Variants in NLGN4X observed in about 807,000 individuals in gnomAD.
NLGN4X encodes neuroligin 4 X-linked, also known as neuroligin-4, X-linked.
A neutral mutation model predicts 40.3 loss-of-function variants in NLGN4X; 3 were observed. That is an observed-to-expected ratio of 0.07 (90% CI 0.03 to 0.19). The LOEUF (loss-of-function observed/expected upper bound fraction) is 0.19. Among genes scored for constraint, NLGN4X ranks in the 10% least tolerant of loss-of-function variants. The pLI, the probability that NLGN4X is intolerant of heterozygous loss-of-function variation, is 1.00. For missense variants in NLGN4X, 382 were observed against 708.3 expected, an observed-to-expected ratio of 0.54 and a Z score of 5.23; for synonymous variants, 270 against 306.8, an observed-to-expected ratio of 0.88 and a Z score of 1.25.
At chrX:6,004,750 AC>A (rs1388018913) in intron 3 of NLGN4X, among the ~76,000 whole-genome samples, 1 of 111,928 alleles carries the variant, frequency 8.9e-6, no homozygotes, top group African/African-American at 3.2e-5. Flanking sequence ...TGTACTCCCA[AC>A]CCTGTTTCCC....
chrX:6,062,428 C>T (rs1267183751), intron 2 of NLGN4X, among the ~76,000 whole-genome samples: 1 of 111,818 alleles, frequency 8.9e-6, no homozygotes, highest in African/African-American at 3.2e-5. Flanking sequence ...TAAAACACAC[C>T]TTGACACATG....
intron 1 of NLGN4X, among the ~76,000 whole-genome samples, chrX:6,209,149 T>C (rs1478656875): frequency 8.9e-6 from 1 of 111,924 alleles, no homozygotes; most frequent in East Asian, 2.8e-4. Context: ...AAAAACCACA[T>C]GTCCTCACTC....
chrX:6,056,711 T>C lies in NLGN4X; in HGVS notation c.473-27279A>G, dbSNP rs148507419. Among the ~76,000 whole-genome samples the C allele has an allele frequency of 2.4e-3, 265 of 111,977 alleles. 1 individual carries two copies. The highest frequency in any genetic ancestry group is 7.7e-3 in the African/African-American group (237 of 30,866). On this transcript the variant is annotated intron_variant, in intron 2 of 5. Transcript: ENST00000381095. ...ACTGCATTAGCGTCTTTTAGTCAGA[T>C]AGTGTGAGTTGACAGGCTGAATAAA...
intron 3 of NLGN4X, among the ~76,000 whole-genome samples, chrX:5,953,679 G>A (rs1399179194): frequency 8.9e-6 from 1 of 112,061 alleles, no homozygotes; most frequent in African/African-American, 3.2e-5. Flanking sequence ...TCAAAATCAA[G>A]AGCCTTCTCT....
At chrX:6,206,428 G>GA (rs748347008) in intron 1 of NLGN4X, among the ~76,000 whole-genome samples, 10 of 111,115 alleles carry the variant, frequency 9.0e-5, no homozygotes, top group East Asian at 8.5e-4. Context: ...ATTTTTAAAT[G>GA]AAAAAAAATG....
At chrX:6,125,543 T>C (rs1007730884) in intron 2 of NLGN4X, among the ~76,000 whole-genome samples, 1 of 109,828 alleles carries the variant, frequency 9.1e-6, no homozygotes. Flanking sequence ...TTATAAAAAA[T>C]ACAAAATACT....
intron 4 of NLGN4X, among the ~76,000 whole-genome samples, chrX:5,908,793 G>A (rs777804066): frequency 2.7e-5 from 3 of 111,938 alleles, no homozygotes; most frequent in African/African-American, 9.7e-5. Context: ...TCAGGAGACT[G>A]AGATGGGAGA....
intron 3 of NLGN4X, among the ~76,000 whole-genome samples, chrX:5,992,870 C>T (rs1034515348): frequency 9.0e-6 from 1 of 111,484 alleles, no homozygotes; most frequent in Non-Finnish European, 1.9e-5. Context: ...GAAGACTGCA[C>T]CAAGTCATTC....
At chrX:6,014,010 G>A (rs1440785362) in intron 3 of NLGN4X, among the ~76,000 whole-genome samples, 3 of 109,658 alleles carry the variant, frequency 2.7e-5, no homozygotes, top group African/African-American at 6.6e-5. Context: ...GTGAAAACCC[G>A]TCTCTAGTAA....
At chrX:6,131,623 G>T (rs1485319709) in intron 2 of NLGN4X, among the ~76,000 whole-genome samples, 3 of 112,172 alleles carry the variant, frequency 2.7e-5, no homozygotes, top group Non-Finnish European at 5.6e-5. Context: ...TCCTTCATGG[G>T]ACTCCAGCTG....
intron 3 of NLGN4X, among the ~76,000 whole-genome samples, chrX:5,960,762 T>C (rs913298674): frequency 9.0e-6 from 1 of 111,606 alleles, no homozygotes. Context: ...GATAGTCATG[T>C]ATTTTTTCAT....
intron 1 of NLGN4X, among the ~76,000 whole-genome samples, chrX:6,157,769 T>C (rs140218180): frequency 0.012 from 1,300 of 111,290 alleles, 9 homozygotes; most frequent in Non-Finnish European, 0.018. Flanking sequence ...TCTCATCAGC[T>C]CCAAAGGCCC....
chrX:6,024,913 A>G (rs2036650534), intron 3 of NLGN4X, among the ~76,000 whole-genome samples: 1 of 111,987 alleles, frequency 8.9e-6, no homozygotes, highest in African/African-American at 3.2e-5. Context: ...CTTATGGAGC[A>G]GTCATTCTTT....
chrX:6,146,121 GA>G (rs779983813), intron 2 of NLGN4X, among the ~76,000 whole-genome samples: 750 of 71,091 alleles, frequency 0.011, 2 homozygotes, highest in African/African-American at 0.025. Context: ...TTTCTAAAAG[GA>G]AAAAAAAAAA....
rs190467625 is a variant in NLGN4X, at chrX:6,184,573, T to G, written c.-305-32802A>C. The stretch of plus-strand genomic sequence containing the variant: ...GTGGGGAATCTCTTAGACTCAACAC[T>G]CAATTGCTTCCAAGTTGCTATCTTC... On this transcript the variant is annotated intron_variant, in intron 1 of 5. Transcript: ENST00000381095. 1.5e-4 allele frequency among the ~76,000 whole-genome samples: 16 copies of G among 110,024 alleles called. No homozygotes were observed. The East Asian group carries it at 4.6e-3, about 31-fold the overall frequency.
intron 2 of NLGN4X, among the ~76,000 whole-genome samples, chrX:6,098,408 G>A (rs996462350): frequency 8.9e-6 from 1 of 111,992 alleles, no homozygotes; most frequent in Non-Finnish European, 1.9e-5. Context: ...CCCTGCAAAT[G>A]TCTTCTGAGT....
intron 3 of NLGN4X, among the ~76,000 whole-genome samples, chrX:6,017,459 C>T (rs1291387315): frequency 9.0e-6 from 1 of 111,414 alleles, no homozygotes; most frequent in Non-Finnish European, 1.9e-5. Context: ...AAAAAGATAC[C>T]TAGAGGTTCG....
At chrX:6,225,897 C>T (rs1447226640) in intron 1 of NLGN4X, among the ~76,000 whole-genome samples, 8 of 76,713 alleles carry the variant, frequency 1.0e-4, no homozygotes, top group Non-Finnish European at 1.9e-4. Flanking sequence ...CACCGCCCCC[C>T]CCAAAAAAAA....
intron 1 of NLGN4X, among the ~76,000 whole-genome samples, chrX:6,160,709 G>A (rs1019226850): frequency 1.8e-5 from 2 of 108,454 alleles, no homozygotes; most frequent in Non-Finnish European, 3.8e-5. Flanking sequence ...TTTTAGTAGA[G>A]ACAGGGTTTC....
Sources: gnomAD v4.1 joint callset for allele counts (sites outside exome capture counted in the v4.1 genomes callset) on GRCh38, gnomAD v4.1.1 for gene constraint, MANE v1.5 for transcripts, NCBI Gene and HGNC (gene_info 2026-07-23, HGNC 2026-07-21) for gene names.